Variants in DCDC1 observed in about 807,000 individuals in gnomAD.
DCDC1 encodes doublecortin domain containing 1.
A neutral mutation model predicts 178.3 loss-of-function variants in DCDC1; 200 were observed. The ratio of observed to expected loss-of-function variants is 1.12; its 90% CI spans 1.00 to 1.26. DCDC1 has a LOEUF of 1.26. DCDC1 is among the 50% of genes most tolerant of loss of function. The pLI is 0.00. For synonymous variants in DCDC1, 690 were observed against 604.8 expected, an observed-to-expected ratio of 1.14 and a Z score of -2.07; for missense variants, 1,983 against 1,749.2, an observed-to-expected ratio of 1.13 and a Z score of -2.38.
chr11:31,365,965 A>C (rs1951936641), intron 1 of DCDC1, among the ~76,000 whole-genome samples: 1 of 151,594 alleles, frequency 6.6e-6, no homozygotes, highest in Non-Finnish European at 1.5e-5. Context: ...AATGTCCAAC[A>C]TTCTAATATA....
intron 8 of DCDC1, among the ~76,000 whole-genome samples, chr11:31,242,443 T>C (rs2136905492): frequency 6.6e-6 from 1 of 151,912 alleles, no homozygotes; most frequent in Admixed American, 6.6e-5. Flanking sequence ...AAGCCAGAAA[T>C]CAAGAAATAA....
At chr11:31,328,025 C>T (rs1591770593) in intron 3 of DCDC1, 92 bp downstream of exon 3, 5 of 1,282,040 alleles carry the variant, frequency 3.9e-6, no homozygotes, top group South Asian at 2.2e-5. Context: ...CCACCTGGCC[C>T]GGCCAAGACT....
At chr11:30,926,453 G>A (rs941104515) in intron 22 of DCDC1, among the ~76,000 whole-genome samples, 16 of 152,146 alleles carry the variant, frequency 1.1e-4, no homozygotes, top group African/African-American at 3.9e-4. Context: ...TCAGAAAGGT[G>A]GAAAATGGGC....
rs1469877878 is a variant in DCDC1 at position 31,305,796 on chromosome 11, T to C, written c.592-19A>G. Reference sequence around the variant, plus strand: ...CCAGCAGCTAGAAGAAAGCAAGAGGTAAGTCAAAGTGATTTACTACAAAGA... The same window carrying C: ...CCAGCAGCTAGAAGAAAGCAAGAGGCAAGTCAAAGTGATTTACTACAAAGA... On this transcript the variant is annotated intron_variant, in intron 5 of 38. Transcript: ENST00000684477. 5 of 1,610,000 alleles carry C rather than the reference T, an allele frequency of 3.1e-6. No individual in the cohort carries two copies. In the Admixed American group the frequency reaches 8.4e-5, roughly 27 times the overall value.
chr11:31,249,971 C>A (rs889231508), intron 8 of DCDC1, among the ~76,000 whole-genome samples: 1 of 151,900 alleles, frequency 6.6e-6, no homozygotes, highest in Admixed American at 6.6e-5. Flanking sequence ...ATTTAATGAA[C>A]AGAGAGAGAG....
chr11:30,970,983 A>G (rs1259319662), intron 20 of DCDC1, among the ~76,000 whole-genome samples: 2 of 152,156 alleles, frequency 1.3e-5, no homozygotes, highest in Non-Finnish European at 2.9e-5. Context: ...GGTTGGGCCC[A>G]CCCAATCTGC....
chr11:30,917,581 A>T (rs958252162), intron 25 of DCDC1, among the ~76,000 whole-genome samples: 28 of 152,214 alleles, frequency 1.8e-4, no homozygotes, highest in Non-Finnish European at 5.9e-5. Flanking sequence ...GTAAATAGTC[A>T]TAGTTTGAAT....
intron 3 of DCDC1, chr11:31,312,552 TGGGCATCATTCAATCTGTTGA>T (rs1285819822): frequency 6.6e-6 from 1 of 152,250 alleles, no homozygotes; most frequent in Non-Finnish European, 1.5e-5. Context: ...CCAGGGCAGG[TGGGCATCATTCAATCTGTTGA>T]GGGCCTGATT....
intron 22 of DCDC1, among the ~76,000 whole-genome samples, chr11:30,928,290 A>G (rs1443849682): frequency 6.6e-6 from 1 of 152,086 alleles, no homozygotes; most frequent in Admixed American, 6.6e-5. Flanking sequence ...CCAGATGCAG[A>G]TGCCCAATCT....
intron 1 of DCDC1, among the ~76,000 whole-genome samples, chr11:31,343,869 G>A (rs368717528): frequency 2.1e-4 from 32 of 151,940 alleles, no homozygotes; most frequent in Non-Finnish European, 3.2e-4. Flanking sequence ...GCAGTGAGCC[G>A]AGATCATGGC....
chr11:31,074,888 C>T (rs969945902), intron 18 of DCDC1, among the ~76,000 whole-genome samples: 2 of 152,088 alleles, frequency 1.3e-5, no homozygotes, highest in African/African-American at 4.8e-5. Flanking sequence ...GTAGACAGAG[C>T]CTAAATTTTT....
chr11:31,019,701 C>T lies in DCDC1; in HGVS notation c.2591+44768G>A, dbSNP rs143236841. Among the ~76,000 whole-genome samples, 4 of 152,248 alleles carry T rather than the reference C, an allele frequency of 2.6e-5. 1 individual carries two copies. The highest frequency in any genetic ancestry group is 9.6e-5 in the African/African-American group (4 of 41,544). On this transcript the variant is annotated intron_variant, in intron 20 of 38. Transcript: ENST00000684477. ...TCACTGTCTTCCCTGCCCTTAAAAT[C>T]AAATCCAAACTCTGCCAAGTCCACA... is the stretch of plus-strand genomic sequence containing the variant.
Position 30,906,513 on chromosome 11 carries a change from A to G in DCDC1, c.4104+27T>C, listed in dbSNP as rs969653108. ...GTTTCCAAATTGTTGCCATACATGC[A>G]TTAGCAGAGCTCAGATCATTACATA... On this transcript the variant is annotated intron_variant, in intron 30 of 38. Coordinates refer to ENST00000684477, the MANE Select transcript of DCDC1 (RefSeq NM_001387274.1). The G allele has an allele frequency of 6.9e-6, 11 of 1,597,748 alleles. 1 individual carries two copies. Among genetic ancestry groups the G allele is most frequent in the Admixed American group, 1.7e-5 (1 of 57,906 alleles).
At chr11:31,213,159 CTCTGCT>C (rs1972964607) in intron 9 of DCDC1, among the ~76,000 whole-genome samples, 1 of 115,172 alleles carries the variant, frequency 8.7e-6, no homozygotes, top group African/African-American at 3.2e-5. Context: ...CTCTCTCTCT[CTCTGCT>C]TTCTTTACCA....
intron 38 of DCDC1, among the ~76,000 whole-genome samples, chr11:30,869,013 C>G (rs535008974): frequency 3.9e-5 from 6 of 152,354 alleles, no homozygotes; most frequent in African/African-American, 1.2e-4. Flanking sequence ...AGCAGCCTCT[C>G]CCTTCTCAGC....
intron 9 of DCDC1, among the ~76,000 whole-genome samples, chr11:31,157,443 A>G (rs1461352824): frequency 7.6e-6 from 1 of 130,968 alleles, no homozygotes; most frequent in Non-Finnish European, 1.6e-5. Context: ...ACATACATAT[A>G]TAGGGATAAA....
intron 20 of DCDC1, among the ~76,000 whole-genome samples, chr11:31,058,352 G>A (rs922657426): frequency 2.0e-5 from 3 of 152,192 alleles, no homozygotes; most frequent in African/African-American, 7.2e-5. Flanking sequence ...CATGTACCGG[G>A]TATGTTCCGG....
chr11:31,171,964 A>AT (rs1967298737), intron 9 of DCDC1, among the ~76,000 whole-genome samples: 1 of 152,188 alleles, frequency 6.6e-6, no homozygotes, highest in Non-Finnish European at 1.5e-5. Flanking sequence ...CAAAGGAGTT[A>AT]TTCTTCTGTG....
chr11:31,328,174 G>A lies in DCDC1; in HGVS notation c.107C>T (p.Thr36Ile). ...EVLQQSSPEG[T>I]LDGNTVNPIY... is the part of the protein sequence containing the mutation. The stretch of plus-strand genomic sequence containing the variant: ...TGGGTTTACAGTATTCCCATCCAAA[G>A]TGCCTTCAGGGCTACTTTGCTGTAA... The change falls in exon 3 of 39, where the codon ACT (threonine) becomes ATT (isoleucine). Residue 36 changes from threonine to isoleucine, a missense_variant. Thr to Ile is a moderately conservative substitution (Grantham distance 89). Transcript: ENST00000684477. The A allele has an allele frequency of 6.2e-7, 1 of 1,612,218 alleles. No homozygotes were observed. The highest frequency in any genetic ancestry group is 8.5e-7 in the Non-Finnish European group (1 of 1,178,774).
Sources: gnomAD v4.1 joint callset for allele counts (sites outside exome capture counted in the v4.1 genomes callset) on GRCh38, gnomAD v4.1.1 for gene constraint, MANE v1.5 for transcripts, NCBI Gene and HGNC (gene_info 2026-07-23, HGNC 2026-07-21) for gene names.